SEMA3C: variants seen among roughly 807,000 people sequenced by gnomAD.
SEMA3C encodes semaphorin 3C, also known as semaphorin-3C.
Under a neutral mutation model 89.4 loss-of-function variants are expected in SEMA3C, and 47 were observed. The ratio of observed to expected loss-of-function variants is 0.53; its 90% CI spans 0.42 to 0.67. The LOEUF (loss-of-function observed/expected upper bound fraction) is 0.67, where lower values mean the gene tolerates loss of function less well. SEMA3C is among the 30% of genes least tolerant of loss of function. The pLI is 0.00. For missense variants in SEMA3C, 839 were observed against 929.1 expected, an observed-to-expected ratio of 0.90 and a Z score of 1.26; for synonymous variants, 310 against 320.2, an observed-to-expected ratio of 0.97 and a Z score of 0.34.
At position 80,857,147 on chromosome 7, in the gene SEMA3C, C is replaced by T. The variant is rs531652624; in HGVS notation, c.104-28402G>A. On this transcript the variant is annotated intron_variant, in intron 2 of 17. Coordinates refer to ENST00000265361, the MANE Select transcript of SEMA3C (RefSeq NM_006379.5). ...TCCACCTTTGCCTTTCATTAATTCC[C>T]GAATTAAATGTGTTTTATTTGCCTT... Among the ~76,000 whole-genome samples, 3 of 152,156 alleles carry T rather than the reference C, an allele frequency of 2.0e-5. No homozygotes were observed. In the South Asian group the frequency reaches 6.2e-4, roughly 32 times the overall value.
intron 2 of SEMA3C, among the ~76,000 whole-genome samples, chr7:80,852,248 A>G (rs1790531539): frequency 6.6e-6 from 1 of 152,038 alleles, no homozygotes; most frequent in Non-Finnish European, 1.5e-5. Flanking sequence ...TGCTTTTCAC[A>G]TTACTGCTAC....
At chr7:80,867,719 T>TACACACAAAC (rs1554384302) in intron 2 of SEMA3C, among the ~76,000 whole-genome samples, 3 of 149,694 alleles carry the variant, frequency 2.0e-5, no homozygotes, top group African/African-American at 7.3e-5. Flanking sequence ...GTATAAATCA[T>TACACACAAAC]ACACACACAC....
chr7:80,749,229 GGAAA>G (rs1285016926), intron 16 of SEMA3C, among the ~76,000 whole-genome samples: 1 of 152,080 alleles, frequency 6.6e-6, no homozygotes, highest in African/African-American at 2.4e-5. Flanking sequence ...GTAAGGGGAA[GGAAA>G]GACTGTGAAT....
rs188656659 is a variant in SEMA3C, at chr7:80,887,282, C to T, written c.103+29397G>A. ...ATTTTAGTATTCAAAACAATTAATT[C>T]AATTTGGTATAACAGAAATAGTATG... is the stretch of plus-strand genomic sequence containing the variant. On this transcript the variant is annotated intron_variant, in intron 2 of 17. Transcript: ENST00000265361. Among the ~76,000 whole-genome samples, 357 of 152,148 alleles carry T rather than the reference C, an allele frequency of 2.3e-3. 1 individual carries two copies. The highest frequency in any genetic ancestry group is 3.8e-3 in the Non-Finnish European group (257 of 67,986).
intron 5 of SEMA3C, among the ~76,000 whole-genome samples, chr7:80,812,599 C>T (rs986481627): frequency 1.3e-5 from 2 of 152,170 alleles, no homozygotes; most frequent in African/African-American, 4.8e-5. Flanking sequence ...AACTGACCTA[C>T]TCCTACATTG....
At chr7:80,809,520 T>C (rs1789418693) in intron 6 of SEMA3C, among the ~76,000 whole-genome samples, 1 of 152,206 alleles carries the variant, frequency 6.6e-6, no homozygotes, top group Non-Finnish European at 1.5e-5. Flanking sequence ...AAAATAGCTG[T>C]ACTAATTTAC....
intron 2 of SEMA3C, among the ~76,000 whole-genome samples, chr7:80,870,819 A>G (rs1256239265): frequency 6.6e-6 from 1 of 152,184 alleles, no homozygotes; most frequent in Non-Finnish European, 1.5e-5. Flanking sequence ...AAGTCTCTCT[A>G]GAGGTAGAGT....
At chr7:80,851,672 G>T (rs1361595622) in intron 2 of SEMA3C, among the ~76,000 whole-genome samples, 1 of 151,928 alleles carries the variant, frequency 6.6e-6, no homozygotes, top group African/African-American at 2.4e-5. Context: ...AGCTGAGAGG[G>T]CATCATTAAG....
intron 12 of SEMA3C, among the ~76,000 whole-genome samples, chr7:80,777,918 A>G (rs1788588077): frequency 6.6e-6 from 1 of 152,196 alleles, no homozygotes; most frequent in African/African-American, 2.4e-5. Context: ...AAACAACAAA[A>G]TGTTCCCTTT....
intron 2 of SEMA3C, among the ~76,000 whole-genome samples, chr7:80,873,884 T>C (rs879812007): frequency 6.6e-5 from 10 of 152,324 alleles, no homozygotes; most frequent in African/African-American, 2.2e-4. Flanking sequence ...CACTGTGCTC[T>C]GGCCTCTCCT....
intron 2 of SEMA3C, among the ~76,000 whole-genome samples, chr7:80,874,157 G>C (rs974546123): frequency 2.6e-5 from 4 of 152,088 alleles, no homozygotes; most frequent in African/African-American, 7.2e-5. Flanking sequence ...TCATCCATTA[G>C]ACTGTAAATT....
chr7:80,771,548 T>G (rs1030876571), intron 12 of SEMA3C, among the ~76,000 whole-genome samples: 1 of 152,232 alleles, frequency 6.6e-6, no homozygotes, highest in Non-Finnish European at 1.5e-5. Context: ...CCACTGTCTC[T>G]AGCCAAGAAA....
At position 80,804,132 on chromosome 7, in the gene SEMA3C, G is replaced by T; in HGVS notation, c.775C>A (p.His259Asn). ...TDNNRSTKQI[H>N]SMIARICPND... Reference sequence around the variant, plus strand: ...GGACATATTCGAGCAATCATGGAATGAATCTGTTTCGTGCTCCTGTTATTG... The same window carrying T: ...GGACATATTCGAGCAATCATGGAATTAATCTGTTTCGTGCTCCTGTTATTG... Residue 259 changes from histidine to asparagine, a missense_variant, in exon 8 of 18, where the codon CAT (histidine) becomes AAT (asparagine). By Grantham distance (68) the His-to-Asn change is moderately conservative (BLOSUM62 1). Transcript: ENST00000265361. 1.2e-6 allele frequency: 2 copies of T among 1,612,106 alleles called. No individual in the cohort carries two copies. The highest frequency in any genetic ancestry group is 1.7e-6 in the Non-Finnish European group (2 of 1,178,882).
intron 2 of SEMA3C, among the ~76,000 whole-genome samples, chr7:80,879,623 C>T (rs1562920605): frequency 6.6e-6 from 1 of 152,184 alleles, no homozygotes; most frequent in African/African-American, 2.4e-5. Flanking sequence ...GTCTATGTTA[C>T]AGCCTGCAGC....
intron 3 of SEMA3C, 92 bp downstream of exon 3, chr7:80,828,493 A>G (rs1341104375): frequency 2.9e-6 from 3 of 1,045,718 alleles, no homozygotes; most frequent in Admixed American, 5.2e-5. Context: ...TATTGTTCTA[A>G]TAAAATGCAT....
At chr7:80,799,109 G>T (rs3807109) in intron 10 of SEMA3C, among the ~76,000 whole-genome samples, 6,666 of 151,792 alleles carry the variant, frequency 0.044, 357 homozygotes, top group East Asian at 0.25. Flanking sequence ...TTTTTTCTTT[G>T]TTCAATTCTT....
At chr7:80,760,178 A>G (rs916443327) in intron 14 of SEMA3C, among the ~76,000 whole-genome samples, 1 of 152,266 alleles carries the variant, frequency 6.6e-6, no homozygotes, top group South Asian at 2.1e-4. Context: ...CCAAAAAGTC[A>G]AATAATTATC....
intron 14 of SEMA3C, among the ~76,000 whole-genome samples, chr7:80,759,635 G>T (rs2117049752): frequency 6.6e-6 from 1 of 152,264 alleles, no homozygotes; most frequent in African/African-American, 2.4e-5. Flanking sequence ...TTAATTAATG[G>T]TAAAAAGTAC....
chr7:80,919,304 G>T (rs560774563), upstream of SEMA3C: 13 of 985,292 alleles, frequency 1.3e-5, no homozygotes, highest in East Asian at 1.0e-3. Context: ...AGAATGCGCG[G>T]CCGCAGGCTG....
Sources: gnomAD v4.1 joint callset for allele counts (sites outside exome capture counted in the v4.1 genomes callset) on GRCh38, gnomAD v4.1.1 for gene constraint, MANE v1.5 for transcripts, NCBI Gene and HGNC (gene_info 2026-07-23, HGNC 2026-07-21) for gene names.